The following RRM1 variants were observed in gnomAD, a reference collection of about 807,000 sequenced individuals.
RRM1 encodes ribonucleotide reductase catalytic subunit M1, also known as ribonucleoside-diphosphate reductase large subunit.
Under a neutral mutation model 101.5 loss-of-function variants are expected in RRM1, and 19 were observed. The ratio of observed to expected loss-of-function variants is 0.19; its 90% confidence interval spans 0.13 to 0.27. The LOEUF (loss-of-function observed/expected upper bound fraction) is 0.27, where lower values mean the gene tolerates loss of function less well. Ranked by LOEUF, RRM1 falls within the 10% of genes least tolerant of loss-of-function variation. The probability of loss-of-function intolerance (pLI) is 1.00; values close to 1 mark genes in which losing one functional copy is unlikely to be tolerated. For missense variants in RRM1, 500 were observed against 962.9 expected (o/e 0.52, Z 6.36); for synonymous variants, 298 against 323.4 (o/e 0.92, Z 0.84).
rs779858495 is a variant in RRM1 at position 4,102,062 on chromosome 11, A to G, written c.89A>G (p.Asn30Ser). 6.3e-6 allele frequency: 10 copies of G among 1,583,060 alleles called. No homozygotes were observed. The highest frequency in any genetic ancestry group is 5.1e-5 in the Admixed American group (3 of 59,056). The part of the protein sequence containing the change: ...SRIQKLCYGL[N>S]MDFVDPAQIT... ...ATCCAGAAGCTTTGTTATGGACTCAATATGGATTTTGTTGATCCTGTAAGT... is the reference window on the plus strand; with the variant it reads ...ATCCAGAAGCTTTGTTATGGACTCAGTATGGATTTTGTTGATCCTGTAAGT... Residue 30 changes from asparagine to serine, a missense_variant, in exon 2 of 19, where the codon AAT becomes AGT. Physicochemically the swap from Asn to Ser is conservative, Grantham distance 46. Around this residue, in one of 9 missense-constraint regions of RRM1, gnomAD observed 44 missense variants for 119.4 expected, o/e 0.37. Coordinates refer to ENST00000300738, the MANE Select transcript of RRM1 (RefSeq NM_001033.5).
At chr11:4,103,696 C>T (rs116394412) in intron 2 of RRM1, among the ~76,000 whole-genome samples, 6,577 of 152,014 alleles carry the variant, frequency 0.043, 457 homozygotes, top group African/African-American at 0.15. Flanking sequence ...AATCTTGGCC[C>T]ACTGCAGCCT....
At chr11:4,107,668 C>T (rs1471618866) in intron 4 of RRM1, 133 bp downstream of exon 4, 3 of 613,360 alleles carry the variant, frequency 4.9e-6, no homozygotes, top group South Asian at 2.1e-5. Flanking sequence ...TCCTGATTTT[C>T]CTCTCTAGAA....
chr11:4,101,568 C>CCCCCT (rs1554973359), intron 1 of RRM1, among the ~76,000 whole-genome samples: 1 of 137,866 alleles, frequency 7.3e-6, no homozygotes, highest in Non-Finnish European at 1.6e-5. Context: ...CACCCCCCCC[C>CCCCCT]GCTCCCTTGG....
At chr11:4,137,190 C>A (rs2094612472) in intron 18 of RRM1, 1 of 256,290 alleles carries the variant, frequency 3.9e-6, no homozygotes, top group African/African-American at 2.4e-5. Context: ...GACACGGCAA[C>A]CATCCGATTT....
Position 4,130,104 on chromosome 11 carries a change from T to TC in RRM1, c.1769+958dup, listed in dbSNP as rs1415871903. ...TATATATATTTTTTTTTTTTTTTTT[T>TC]CCCCTCAAAATACTATGGCTTAGTT... On this transcript the variant is annotated intron_variant, in intron 15 of 18. Coordinates refer to ENST00000300738, the MANE Select transcript of RRM1 (RefSeq NM_001033.5). 2.5e-3 allele frequency among the ~76,000 whole-genome samples: 223 copies of TC among 90,574 alleles called. 1 individual carries two copies. The highest frequency in any genetic ancestry group is 9.8e-3 in the African/African-American group (206 of 21,076). 59.4% of individuals were successfully genotyped at this position (90,574 alleles called of 152,430 possible).
chr11:4,128,957 A>G (rs1320438295), intron 14 of RRM1, 117 bp from the exon 15 acceptor site: 3 of 568,186 alleles, frequency 5.3e-6, no homozygotes, highest in Non-Finnish European at 6.2e-6. Context: ...GAGGTTGATT[A>G]GAAGACAGCA....
chr11:4,128,064 C>T (rs1322681072), intron 14 of RRM1, among the ~76,000 whole-genome samples: 2 of 152,012 alleles, frequency 1.3e-5, no homozygotes, highest in Admixed American at 6.6e-5. Flanking sequence ...GAGACCATCT[C>T]TCGTTTCAAA....
chr11:4,128,415 T>C (rs1460213027), intron 14 of RRM1, among the ~76,000 whole-genome samples: 1 of 152,170 alleles, frequency 6.6e-6, no homozygotes, highest in Non-Finnish European at 1.5e-5. Flanking sequence ...CCTGGCGTAA[T>C]CTTCCTTTTA....
chr11:4,130,334 AG>A (rs1221849360), intron 15 of RRM1, among the ~76,000 whole-genome samples: 1 of 151,712 alleles, frequency 6.6e-6, no homozygotes, highest in Non-Finnish European at 1.5e-5. Context: ...GTATTTTTCT[AG>A]ATCTTTTTCA....
intron 2 of RRM1, among the ~76,000 whole-genome samples, chr11:4,102,443 A>C (rs1412685363): frequency 6.6e-6 from 1 of 152,072 alleles, no homozygotes; most frequent in Non-Finnish European, 1.5e-5. Flanking sequence ...AGATCACCTG[A>C]GGTCAGGAGT....
chr11:4,115,428 C>T (rs186959506), intron 7 of RRM1, among the ~76,000 whole-genome samples: 1 of 143,538 alleles, frequency 7.0e-6, no homozygotes, highest in Non-Finnish European at 1.5e-5. Flanking sequence ...CATGTGGCCA[C>T]AAAGGAGAGC....
rs1212358963 is a variant in RRM1 at position 4,132,531 on chromosome 11, T to G, written c.1905+110T>G. The G allele has an allele frequency of 9.5e-7, 1 of 1,056,994 alleles. No individual in the cohort carries two copies. Among genetic ancestry groups the G allele is most frequent in the Non-Finnish European group, 1.4e-6 (1 of 710,276 alleles). The allele number at this position is 1,056,994 out of a possible 1,614,324, so 65.5% of individuals were successfully genotyped here. A position where few individuals can be genotyped will look rare whatever the true frequency, so the allele number is the denominator to read the frequency against. Reference sequence around the variant, plus strand: ...CATTTTCTTAGTTTGGGTGCAAACTTTGATAAAGACAGTCATCTTCATCTC... The same window carrying G: ...CATTTTCTTAGTTTGGGTGCAAACTGTGATAAAGACAGTCATCTTCATCTC... On this transcript the variant is annotated intron_variant, in intron 16 of 18. Coordinates refer to ENST00000300738, the MANE Select transcript of RRM1 (RefSeq NM_001033.5). This position sits in a 1 kb window ranked among gnomAD's most constrained non-coding sequence, Gnocchi z 4.1.
At chr11:4,129,011 T>G in intron 14 of RRM1, 63 bp from the exon 15 acceptor site, 1 of 914,628 alleles carries the variant, frequency 1.1e-6, no homozygotes, top group Non-Finnish European at 1.6e-6. Flanking sequence ...TTTGTGGGTT[T>G]TTTTTTTTTT....
At chr11:4,105,655 A>G (rs1219474707) in intron 2 of RRM1, 1 of 402,242 alleles carries the variant, frequency 2.5e-6, no homozygotes, top group Admixed American at 3.4e-5. Context: ...ATCACAGCTC[A>G]TTGCAGCCTC....
chr11:4,111,853 A>G, intron 6 of RRM1, 47 bp from the exon 7 acceptor site: 1 of 1,557,020 alleles, frequency 6.4e-7, no homozygotes, highest in Non-Finnish European at 8.7e-7. Context: ...ATCTCAACCT[A>G]CTTTTTCTGA....
intron 5 of RRM1, among the ~76,000 whole-genome samples, chr11:4,110,555 G>T (rs921444754): frequency 9.9e-5 from 15 of 152,018 alleles, no homozygotes; most frequent in African/African-American, 3.6e-4. Flanking sequence ...ATCACTCGAG[G>T]TCAGGAGTTC....
intron 1 of RRM1, among the ~76,000 whole-genome samples, chr11:4,096,630 G>A (rs1456161845): frequency 6.6e-6 from 1 of 152,068 alleles, no homozygotes; most frequent in Non-Finnish European, 1.5e-5. Flanking sequence ...AGTGAGAGCT[G>A]AGCATCTATT....
chr11:4,134,574 G>A (rs532158345), intron 17 of RRM1, among the ~76,000 whole-genome samples: 3 of 151,988 alleles, frequency 2.0e-5, no homozygotes, highest in East Asian at 1.9e-4. Context: ...CAGTCTGTGT[G>A]TTTTAATGAA....
At chr11:4,129,576 A>G (rs893349405) in intron 15 of RRM1, among the ~76,000 whole-genome samples, 1 of 151,298 alleles carries the variant, frequency 6.6e-6, no homozygotes, top group Non-Finnish European at 1.5e-5. Flanking sequence ...TGGATTTTGG[A>G]AGAGTTTTTG....
Sources: allele counts gnomAD v4.1 joint callset (sites outside exome capture counted in the v4.1 genomes callset), GRCh38; gene constraint gnomAD v4.1.1; regional missense constraint gnomAD v4.1.1; non-coding constraint Gnocchi (gnomAD v3.1); transcripts MANE v1.5; gene names NCBI Gene and HGNC (gene_info 2026-07-23, HGNC 2026-07-21).